The following MAP1S variants were observed in gnomAD, a reference collection of about 807,000 sequenced individuals.
MAP1S encodes the protein microtubule-associated protein 1S.
MAP1S carries 27 observed loss-of-function variants against 60.9 expected under a neutral mutation model. The ratio of observed to expected loss-of-function variants is 0.44; its 90% CI spans 0.33 to 0.61. The LOEUF (loss-of-function observed/expected upper bound fraction) is 0.61, where lower values mean the gene tolerates loss of function less well. Ranked by LOEUF, MAP1S falls within the 20% of genes least tolerant of loss-of-function variation. The pLI is 0.03. For missense variants in MAP1S, 1,608 were observed against 1,486.6 expected, an observed-to-expected ratio of 1.08 and a Z score of -1.34; for synonymous variants, 826 against 694.2, an observed-to-expected ratio of 1.19 and a Z score of -2.98.
In MAP1S at chr19:17,721,055, CT is replaced by C. The variant is rs760306726; in HGVS notation, c.220+19del. ...TGTGAAAGGTGAGGCTGGGGTCCCC[CT>C]GACTGCTCCCTACCTCTTGTTATTT... On this transcript the variant is annotated intron_variant, in intron 2 of 6. Coordinates refer to ENST00000324096, the MANE Select transcript of MAP1S (RefSeq NM_018174.6). 4.4e-6 allele frequency: 7 copies of C among 1,598,174 alleles called. No homozygotes were observed. In the African/African-American group the frequency reaches 5.4e-5, roughly 12 times the overall value.
At chr19:17,729,798 G>A (rs998823834) in intron 5 of MAP1S, among the ~76,000 whole-genome samples, 1 of 152,156 alleles carries the variant, frequency 6.6e-6, no homozygotes, top group African/African-American at 2.4e-5. Context: ...AAGTAGCTGA[G>A]ATTACAGGCA....
chr19:17,730,347 C>G (rs7251043), intron 5 of MAP1S, among the ~76,000 whole-genome samples: 130 of 152,250 alleles, frequency 8.5e-4, no homozygotes, highest in African/African-American at 2.6e-3. Context: ...GACAGGGTCT[C>G]GGTCTGTTAC....
chr19:17,721,901 G>C (rs1008484591), intron 2 of MAP1S, among the ~76,000 whole-genome samples: 1 of 152,156 alleles, frequency 6.6e-6, no homozygotes, highest in Non-Finnish European at 1.5e-5. Context: ...AGCAGCAGGC[G>C]GGCAGGCAGG....
At position 17,725,685 on chromosome 19, in the gene MAP1S, GC is replaced by G. The variant is rs1333427041; in HGVS notation, c.445-143del. ...TGAGGCCAGATCAAAGAGCCTTGTG[GC>G]GCTGGAGAGGGTTGGGTTTTGGCGG... is the stretch of plus-strand genomic sequence containing the variant. On this transcript the variant is annotated intron_variant, in intron 4 of 6. Transcript: ENST00000324096. The surrounding 1 kb of genome is among the most constrained non-coding windows in gnomAD (Gnocchi z 4.2). The G allele has an allele frequency of 1.3e-6, 1 of 745,022 alleles. No homozygotes were observed. The allele number at this position is 745,022 out of a possible 1,614,324, so 46.2% of individuals were successfully genotyped here. A position where few individuals can be genotyped will look rare whatever the true frequency, so the allele number is the denominator to read the frequency against.
chr19:17,721,969 G>C (rs1047020601), intron 2 of MAP1S, among the ~76,000 whole-genome samples: 1 of 152,140 alleles, frequency 6.6e-6, no homozygotes, highest in African/African-American at 2.4e-5. Flanking sequence ...GTCACCTCCC[G>C]GCTGCTGCTG....
rs368058926 is a variant in MAP1S, at chr19:17,727,155, G to T, written c.1771G>T (p.Ala591Ser). ...RSPPSLRCGE[A>S]SPPSAACGSP... ...CCCGCCCAGCCTCCGATGTGGAGAAGCCAGCCCCCCCAGTGCAGCCTGCGG... is the reference window on the plus strand; with the variant it reads ...CCCGCCCAGCCTCCGATGTGGAGAATCCAGCCCCCCCAGTGCAGCCTGCGG... Residue 591 changes from alanine (A) to serine (S), a missense_variant, in exon 5 of 7, where the codon GCC (alanine) becomes TCC (serine). Transcript: ENST00000324096. This position sits in a 1 kb window ranked among gnomAD's most constrained non-coding sequence, Gnocchi z 4.1. 6.3e-7 allele frequency: 1 copy of T among 1,589,292 alleles called. No homozygotes were observed.
In MAP1S at chr19:17,727,327, C is replaced by T; in HGVS notation, c.1943C>T (p.Ala648Val). 2 of 1,591,358 alleles carry T rather than the reference C, an allele frequency of 1.3e-6. No homozygotes were observed. Among genetic ancestry groups the T allele is most frequent in the East Asian group, 2.3e-5 (1 of 43,828 alleles). The change falls in exon 5 of 7, where the codon GCA becomes GTA. Residue 648 changes from alanine to valine, a missense_variant. Coordinates refer to ENST00000324096, the MANE Select transcript of MAP1S (RefSeq NM_018174.6). This position sits in a 1 kb window ranked among gnomAD's most constrained non-coding sequence, Gnocchi z 4.1. ...TCCCCTGAGTCCCACCGGAGCCCCG[C>T]AGAGGGCAGCGAGCGGCTGTCGCTG... ...TPSPESHRSPAEGSERLSLSP... is the reference protein window; with the variant it reads ...TPSPESHRSPVEGSERLSLSP...
At position 17,727,036 on chromosome 19, in the gene MAP1S, T is replaced by C. The variant is rs760657330; in HGVS notation, c.1652T>C (p.Leu551Pro). ...CGGGCAGCCTCTTCTGTGCCCAACCTCAAGAAGACGAATGCCCAGGCGGCA... is the reference window on the plus strand; with the variant it reads ...CGGGCAGCCTCTTCTGTGCCCAACCCCAAGAAGACGAATGCCCAGGCGGCA... ...VRRAASSVPN[L>P]KKTNAQAAPK... Residue 551 changes from leucine to proline, a missense_variant, in exon 5 of 7, where the codon CTC becomes CCC. Around this residue, in one of 4 missense-constraint regions of MAP1S, gnomAD observed 1,167 missense variants for 961.4 expected, o/e 1.21. Transcript: ENST00000324096. The surrounding 1 kb of genome is among the most constrained non-coding windows in gnomAD (Gnocchi z 4.1). 1.4e-5 allele frequency: 22 copies of C among 1,604,766 alleles called. No homozygotes were observed. The highest frequency in any genetic ancestry group is 9.3e-6 in the Non-Finnish European group (11 of 1,176,816).
chr19:17,720,158 G>T, intron 1 of MAP1S: 1 of 1,335,056 alleles, frequency 7.5e-7, no homozygotes, highest in Non-Finnish European at 9.6e-7. Flanking sequence ...AGGGAGGTGA[G>T]TCATAGGCGC....
intron 6 of MAP1S, 92 bp downstream of exon 6, chr19:17,733,520 C>T: frequency 9.3e-7 from 1 of 1,070,554 alleles, no homozygotes; most frequent in Non-Finnish European, 1.3e-6. Context: ...CTGTGTTCCC[C>T]AGGCCACACG....
chr19:17,727,870 A>G lies in MAP1S; in HGVS notation c.2486A>G (p.Lys829Arg). The G allele has an allele frequency of 6.2e-7, 1 of 1,612,850 alleles. No homozygotes were observed. Among genetic ancestry groups the G allele is most frequent in the South Asian group, 1.1e-5 (1 of 91,058 alleles). Residue 829 changes from lysine (K) to arginine (R), a missense_variant, in exon 5 of 7, where the codon AAG becomes AGG. Lys to Arg is a conservative substitution (Grantham distance 26). Transcript: ENST00000324096. This position sits in a 1 kb window ranked among gnomAD's most constrained non-coding sequence, Gnocchi z 4.1. ...PRHDPLPDPL[K>R]VPPPLPDPSS... ...CACGACCCTTTGCCTGACCCCCTCA[A>G]GGTCCCCCCACCACTGCCTGACCCA...
At chr19:17,721,072 C>T (rs750286651) in intron 2 of MAP1S, 35 bp downstream of exon 2, 19 of 1,564,596 alleles carry the variant, frequency 1.2e-5, no homozygotes, top group Admixed American at 1.7e-5. Flanking sequence ...CTCCCTACCT[C>T]TTGTTATTTG....
At position 17,727,443 on chromosome 19, in the gene MAP1S, G is replaced by A. The variant is rs1317442389; in HGVS notation, c.2059G>A (p.Gly687Ser). Residue 687 changes from glycine to serine, a missense_variant, in exon 5 of 7, where the codon GGC becomes AGC. This residue lies in a region of MAP1S where 1,167 missense variants were observed against 961.4 expected (regional missense o/e 1.21). Transcript: ENST00000324096. The surrounding 1 kb of genome is among the most constrained non-coding windows in gnomAD (Gnocchi z 4.1). Reference protein sequence around the residue: ...VTTPSLPAEVGSPHSTEVDES... With the variant: ...VTTPSLPAEVSSPHSTEVDES... ...CACGCCCTCACTACCCGCAGAGGTG[G>A]GCTCCCCGCACTCGACCGAGGTGGA... is the stretch of plus-strand genomic sequence containing the variant. The A allele has an allele frequency of 1.9e-6, 3 of 1,603,390 alleles. No homozygotes were observed. The highest frequency in any genetic ancestry group is 1.1e-5 in the South Asian group (1 of 89,886).
In MAP1S at chr19:17,727,050, G is replaced by A; in HGVS notation, c.1666G>A (p.Ala556Thr). The A allele has an allele frequency of 1.2e-6, 2 of 1,606,076 alleles. No individual in the cohort carries two copies. The highest frequency in any genetic ancestry group is 1.3e-5 in the African/African-American group (1 of 74,930). The change falls in exon 5 of 7, where the codon GCC becomes ACC. Residue 556 changes from alanine (A) to threonine (T), a missense_variant. Physicochemically the swap from Ala to Thr is moderately conservative, Grantham distance 58. Around this residue, in one of 4 missense-constraint regions of MAP1S, gnomAD observed 1,167 missense variants for 961.4 expected, o/e 1.21. Coordinates refer to ENST00000324096, the MANE Select transcript of MAP1S (RefSeq NM_018174.6). This position sits in a 1 kb window ranked among gnomAD's most constrained non-coding sequence, Gnocchi z 4.1. ...TGTGCCCAACCTCAAGAAGACGAATGCCCAGGCGGCACCCAAGCCCCGCAA... is the reference window on the plus strand; with the variant it reads ...TGTGCCCAACCTCAAGAAGACGAATACCCAGGCGGCACCCAAGCCCCGCAA... ...SSVPNLKKTN[A>T]QAAPKPRKAP...
At chr19:17,720,551 A>G in intron 1 of MAP1S, 3 of 1,447,640 alleles carry the variant, frequency 2.1e-6, no homozygotes, top group Non-Finnish European at 2.7e-6. Flanking sequence ...TTAGCACCCG[A>G]AGGTGCTGAG....
intron 5 of MAP1S, among the ~76,000 whole-genome samples, chr19:17,730,229 A>C (rs1205446659): frequency 6.6e-6 from 1 of 152,196 alleles, no homozygotes; most frequent in Non-Finnish European, 1.5e-5. Context: ...CCTAATGATT[A>C]GTGATGTTGC....
At chr19:17,724,235 G>A (rs1327751536) in intron 3 of MAP1S, 27 bp downstream of exon 3, 4 of 1,597,902 alleles carry the variant, frequency 2.5e-6, no homozygotes, top group Admixed American at 1.7e-5. Context: ...GTCCTGGAGG[G>A]GGCGGGCTGC....
chr19:17,726,800 C>T lies in MAP1S; in HGVS notation c.1416C>T (p.Ser472=), dbSNP rs1217491879. The change falls in exon 5 of 7, where the codon AGC becomes AGT. Residue 472 remains serine, a synonymous_variant. Coordinates refer to ENST00000324096, the MANE Select transcript of MAP1S (RefSeq NM_018174.6). Reference sequence around the variant, plus strand: ...TGGAGGGGCCGGGGCGAGCCGAGAGCAAAGAGAGCGTGGGCTCCCGGGACA... The same window carrying T: ...TGGAGGGGCCGGGGCGAGCCGAGAGTAAAGAGAGCGTGGGCTCCCGGGACA... ...QDLEGPGRAE[S]KESVGSRDSS... 6.4e-7 allele frequency: 1 copy of T among 1,558,136 alleles called. No homozygotes were observed. Among genetic ancestry groups the T allele is most frequent in the East Asian group, 2.4e-5 (1 of 41,448 alleles).
At position 17,727,314 on chromosome 19, in the gene MAP1S, C is replaced by T. The variant is rs1327340951; in HGVS notation, c.1930C>T (p.His644Tyr). ...GCCACGCACACCCTCCCCTGAGTCC[C>T]ACCGGAGCCCCGCAGAGGGCAGCGA... is the stretch of plus-strand genomic sequence containing the variant. ...PRPRTPSPES[H>Y]RSPAEGSERL... is the part of the protein sequence containing the mutation. The change falls in exon 5 of 7, where the codon CAC (histidine) becomes TAC (tyrosine). Residue 644 changes from histidine (H) to tyrosine (Y), a missense_variant. Physicochemically the swap from His to Tyr is moderately conservative, Grantham distance 83 (BLOSUM62 2). Around this residue, in one of 4 missense-constraint regions of MAP1S, gnomAD observed 1,167 missense variants for 961.4 expected, o/e 1.21. Transcript: ENST00000324096. This position sits in a 1 kb window ranked among gnomAD's most constrained non-coding sequence, Gnocchi z 4.1. 1 of 1,591,600 alleles carries T rather than the reference C, an allele frequency of 6.3e-7. No individual in the cohort carries two copies. The highest frequency in any genetic ancestry group is 1.1e-5 in the South Asian group (1 of 89,498).
Sources: gnomAD v4.1 joint callset for allele counts (sites outside exome capture counted in the v4.1 genomes callset) on GRCh38, gnomAD v4.1.1 for gene constraint, gnomAD v4.1.1 regional missense constraint, Gnocchi (gnomAD v3.1) non-coding constraint, MANE v1.5 for transcripts, NCBI Gene and HGNC (gene_info 2026-07-23, HGNC 2026-07-21) for gene names.